Variants in XKR4 observed in about 807,000 individuals in gnomAD.
XKR4 encodes XK-related protein 4.
A neutral mutation model predicts 53.9 loss-of-function variants in XKR4; 12 were observed. The observed-to-expected ratio is 0.22, with a 90% CI of 0.14 to 0.36. The LOEUF (loss-of-function observed/expected upper bound fraction) is 0.36. Ranked by LOEUF, XKR4 falls within the 10% of genes least tolerant of loss-of-function variation. The probability of loss-of-function intolerance (pLI) is 1.00; values close to 1 mark genes in which losing one functional copy is unlikely to be tolerated. For synonymous variants in XKR4, 354 were observed against 362.4 expected (o/e 0.98, Z 0.26); for missense variants, 799 against 859.5 (o/e 0.93, Z 0.88).
In XKR4 at chr8:55,102,527, A is replaced by T. The variant is rs1358504937; in HGVS notation, c.39A>T (p.Lys13Asn). Residue 13 changes from lysine to asparagine, a missense_variant, in exon 1 of 3, where the codon AAA becomes AAT. Around this residue, in one of 3 missense-constraint regions of XKR4, gnomAD observed 476 missense variants for 505.4 expected, o/e 0.94. Transcript: ENST00000327381. This position sits in a 1 kb window ranked among gnomAD's most constrained non-coding sequence, Gnocchi z 5.1. Reference sequence around the variant, plus strand: ...CAGACGGGAGGCTGAAAATGAAGAAAAGCAGCGACGTGGCGTTCACCCCGC... The same window carrying T: ...CAGACGGGAGGCTGAAAATGAAGAATAGCAGCGACGTGGCGTTCACCCCGC... ...AKSDGRLKMK[K>N]SSDVAFTPLQ... 6.5e-7 allele frequency: 1 copy of T among 1,547,726 alleles called. No homozygotes were observed. Among genetic ancestry groups the T allele is most frequent in the Admixed American group, 1.8e-5 (1 of 55,556 alleles).
chr8:55,460,445 T>A (rs1402414549), intron 2 of XKR4, among the ~76,000 whole-genome samples: 1 of 152,204 alleles, frequency 6.6e-6, no homozygotes, highest in Non-Finnish European at 1.5e-5. Context: ...ATAAGGCTGT[T>A]TTAGAAACCA....
chr8:55,170,684 TATTGATTACACCC>T (rs1346268105), intron 1 of XKR4, among the ~76,000 whole-genome samples: 2 of 152,182 alleles, frequency 1.3e-5, no homozygotes, highest in Non-Finnish European at 2.9e-5. Context: ...CTTCTCTGAT[TATTGATTACACCC>T]ATTTTAACCT....
chr8:55,299,382 G>C (rs149377934), intron 1 of XKR4, among the ~76,000 whole-genome samples: 1 of 152,306 alleles, frequency 6.6e-6, no homozygotes, highest in African/African-American at 2.4e-5. Flanking sequence ...TTGAAGGGCT[G>C]AGGGAGAAGC....
intron 1 of XKR4, among the ~76,000 whole-genome samples, chr8:55,255,568 A>G (rs934521458): frequency 1.3e-5 from 2 of 152,196 alleles, no homozygotes; most frequent in Non-Finnish European, 2.9e-5. Context: ...GAAAGTGATC[A>G]GGGTATGCTT....
chr8:55,426,366 C>T lies in XKR4; in HGVS notation c.1006+68489C>T, dbSNP rs193290887. On this transcript the variant is annotated intron_variant, in intron 2 of 2. Coordinates refer to ENST00000327381, the MANE Select transcript of XKR4 (RefSeq NM_052898.2). ...CCTTTCCTAAAACTCATGGCATGCT[C>T]ACTTGCGCTCTCTCTCTCTCTCTGT... Among the ~76,000 whole-genome samples the T allele has an allele frequency of 1.1e-4, 17 of 152,216 alleles. No individual in the cohort carries two copies. In the East Asian group the frequency reaches 3.1e-3, roughly 28 times the overall value.
intron 1 of XKR4, among the ~76,000 whole-genome samples, chr8:55,311,252 T>A (rs1203392410): frequency 6.6e-6 from 1 of 152,154 alleles, no homozygotes; most frequent in African/African-American, 2.4e-5. Context: ...TGGATGACAC[T>A]CACAGTGTCA....
intron 2 of XKR4, among the ~76,000 whole-genome samples, chr8:55,409,071 C>G (rs1023777975): frequency 7.9e-5 from 12 of 151,496 alleles, no homozygotes; most frequent in Non-Finnish European, 1.5e-4. Flanking sequence ...CCAGGAGGCT[C>G]TGGTGTCTAG....
intron 1 of XKR4, among the ~76,000 whole-genome samples, chr8:55,183,251 C>A (rs1817337719): frequency 1.3e-5 from 2 of 150,850 alleles, no homozygotes; most frequent in South Asian, 4.2e-4. Flanking sequence ...TATTGCCTTT[C>A]TTCTGCTTGC....
intron 1 of XKR4, among the ~76,000 whole-genome samples, chr8:55,321,836 A>G (rs1372951941): frequency 6.6e-6 from 1 of 152,126 alleles, no homozygotes. Context: ...TAAAAATACA[A>G]AAGTTAGCTG....
In XKR4 at chr8:55,436,931, C is replaced by T. The variant is rs189628841; in HGVS notation, c.1006+79054C>T. Among the ~76,000 whole-genome samples the T allele has an allele frequency of 4.6e-5, 7 of 152,294 alleles. No homozygotes were observed. In the East Asian group the frequency reaches 1.3e-3, roughly 29 times the overall value. On this transcript the variant is annotated intron_variant, in intron 2 of 2. Coordinates refer to ENST00000327381, the MANE Select transcript of XKR4 (RefSeq NM_052898.2). ...GTCTCAGACACACATTGTATATGCA[C>T]AGCATGTTTTGTTACTTCCATTGTT...
chr8:55,311,828 GCAAAAAAA>G (rs1819393163), intron 1 of XKR4, among the ~76,000 whole-genome samples: 1 of 19,802 alleles, frequency 5.0e-5, no homozygotes, highest in Non-Finnish European at 8.6e-5. Flanking sequence ...CTGTAATTTA[GCAAAAAAA>G]AAAAAAAAAA....
intron 2 of XKR4, chr8:55,449,624 T>A: frequency 9.6e-7 from 1 of 1,042,796 alleles, no homozygotes. Flanking sequence ...GAAGGCCTTC[T>A]CATCCACGCT....
intron 1 of XKR4, among the ~76,000 whole-genome samples, chr8:55,199,044 G>T (rs942439351): frequency 3.3e-5 from 5 of 152,112 alleles, no homozygotes; most frequent in Admixed American, 2.6e-4. Context: ...ATCTCAATGT[G>T]GACAACAAGG....
At chr8:55,122,000 A>C (rs970384192) in intron 1 of XKR4, among the ~76,000 whole-genome samples, 13 of 152,214 alleles carry the variant, frequency 8.5e-5, no homozygotes, top group Admixed American at 7.2e-4. Context: ...AAATGGCAGA[A>C]AATCTTCTTT....
At chr8:55,282,593 C>T (rs532288630) in intron 1 of XKR4, among the ~76,000 whole-genome samples, 1 of 152,288 alleles carries the variant, frequency 6.6e-6, no homozygotes, top group South Asian at 2.1e-4. Context: ...AGAGCAAGAA[C>T]TCATTCATTA....
At chr8:55,361,780 G>T (rs191000680) in intron 2 of XKR4, among the ~76,000 whole-genome samples, 1 of 152,128 alleles carries the variant, frequency 6.6e-6, no homozygotes, top group African/African-American at 2.4e-5. Flanking sequence ...TCTCTGTTCT[G>T]AAAATGTTCC....
intron 1 of XKR4, among the ~76,000 whole-genome samples, chr8:55,147,941 G>A (rs938876906): frequency 6.6e-6 from 1 of 152,090 alleles, no homozygotes; most frequent in Admixed American, 6.6e-5. Context: ...TCTGTCTCTG[G>A]GGGACAAGAC....
At chr8:55,354,048 T>C (rs993378858) in intron 1 of XKR4, among the ~76,000 whole-genome samples, 2 of 152,178 alleles carry the variant, frequency 1.3e-5, no homozygotes, top group African/African-American at 4.8e-5. Flanking sequence ...ACTAGGTTGA[T>C]AAAACTGAAG....
chr8:55,464,941 A>T (rs1805734110), intron 2 of XKR4, among the ~76,000 whole-genome samples: 1 of 152,098 alleles, frequency 6.6e-6, no homozygotes, highest in Non-Finnish European at 1.5e-5. Flanking sequence ...GATGTGAAGG[A>T]CCTCTTCAAG....
Sources: gnomAD v4.1 joint callset for allele counts (sites outside exome capture counted in the v4.1 genomes callset) on GRCh38, gnomAD v4.1.1 for gene constraint, gnomAD v4.1.1 regional missense constraint, Gnocchi (gnomAD v3.1) non-coding constraint, MANE v1.5 for transcripts, NCBI Gene and HGNC (gene_info 2026-07-23, HGNC 2026-07-21) for gene names.